ASIC2: variants seen among roughly 807,000 people sequenced by gnomAD.
ASIC2 encodes the protein acid-sensing ion channel 2.
A neutral mutation model predicts 57.3 loss-of-function variants in ASIC2; 25 were observed. The observed-to-expected ratio is 0.44, with a 90% confidence interval of 0.32 to 0.61. The LOEUF (loss-of-function observed/expected upper bound fraction) is 0.61, where lower values mean the gene tolerates loss of function less well. Among genes scored for constraint, ASIC2 ranks in the 20% least tolerant of loss-of-function variants. The probability of loss-of-function intolerance (pLI) is 0.06; values close to 1 mark genes in which losing one functional copy is unlikely to be tolerated. For missense variants in ASIC2, 641 were observed against 738.1 expected (o/e 0.87, Z 1.52); for synonymous variants, 319 against 307.5 (o/e 1.04, Z -0.39).
intron 1 of ASIC2, among the ~76,000 whole-genome samples, chr17:33,682,798 A>G (rs1908051915): frequency 6.6e-6 from 1 of 152,208 alleles, no homozygotes; most frequent in South Asian, 2.1e-4. Flanking sequence ...TGCCAAGATT[A>G]TTCTCAGGGG....
chr17:33,743,192 A>G (rs1910159590), intron 1 of ASIC2, among the ~76,000 whole-genome samples: 1 of 152,258 alleles, frequency 6.6e-6, no homozygotes, highest in African/African-American at 2.4e-5. Flanking sequence ...AAAAAAATCC[A>G]AATTATTTAA....
At chr17:34,150,082 T>G (rs1375463696) in intron 1 of ASIC2, among the ~76,000 whole-genome samples, 1 of 152,232 alleles carries the variant, frequency 6.6e-6, no homozygotes, top group African/African-American at 2.4e-5. Flanking sequence ...TCCTGTCATT[T>G]GTGACAACAT....
At chr17:33,656,441 T>G (rs1219447497) in intron 1 of ASIC2, among the ~76,000 whole-genome samples, 1 of 152,186 alleles carries the variant, frequency 6.6e-6, no homozygotes, top group Non-Finnish European at 1.5e-5. Flanking sequence ...GCAAATGGCC[T>G]AAGACCAACA....
chr17:33,696,118 T>TA (rs1908518307), intron 1 of ASIC2, among the ~76,000 whole-genome samples: 2 of 152,214 alleles, frequency 1.3e-5, no homozygotes, highest in South Asian at 4.1e-4. Flanking sequence ...TGCCAACACA[T>TA]ACAAGAATGT....
At chr17:33,131,155 A>C (rs1205781728) in intron 1 of ASIC2, among the ~76,000 whole-genome samples, 3 of 152,252 alleles carry the variant, frequency 2.0e-5, no homozygotes, top group Non-Finnish European at 1.5e-5. Flanking sequence ...TCCAATGGGC[A>C]GAACGGGATA....
intron 1 of ASIC2, among the ~76,000 whole-genome samples, chr17:33,589,397 T>G (rs1904754518): frequency 6.6e-6 from 1 of 152,204 alleles, no homozygotes; most frequent in East Asian, 1.9e-4. Context: ...TAACCATTCT[T>G]ATGTGTATCA....
At chr17:33,359,549 C>G (rs977175936) in intron 1 of ASIC2, among the ~76,000 whole-genome samples, 1 of 152,084 alleles carries the variant, frequency 6.6e-6, no homozygotes, top group African/African-American at 2.4e-5. Context: ...AGCAGTGAGG[C>G]CAAGTAGCAA....
chr17:33,590,102 G>A (rs2142004283), intron 1 of ASIC2, among the ~76,000 whole-genome samples: 1 of 152,250 alleles, frequency 6.6e-6, no homozygotes, highest in Non-Finnish European at 1.5e-5. Context: ...TTCCCTAGAA[G>A]TGCGACTCTG....
chr17:34,088,643 G>T (rs1910202331), intron 1 of ASIC2, among the ~76,000 whole-genome samples: 1 of 152,246 alleles, frequency 6.6e-6, no homozygotes, highest in Admixed American at 6.5e-5. Flanking sequence ...CCCAGAAGTG[G>T]AGCCTACAGA....
chr17:33,367,316 T>A (rs545372466), intron 1 of ASIC2, among the ~76,000 whole-genome samples: 22 of 152,322 alleles, frequency 1.4e-4, no homozygotes, highest in African/African-American at 5.1e-4. Flanking sequence ...CTCCACGAAC[T>A]CCCTTAAGGA....
intron 1 of ASIC2, among the ~76,000 whole-genome samples, chr17:33,541,065 T>A (rs1426539692): frequency 6.7e-6 from 1 of 148,152 alleles, no homozygotes; most frequent in African/African-American, 2.7e-5. Context: ...ATGTTGTTTT[T>A]TTTTCTTAGG....
chr17:33,911,972 G>C (rs954749770), intron 1 of ASIC2, among the ~76,000 whole-genome samples: 6 of 150,836 alleles, frequency 4.0e-5, no homozygotes, highest in African/African-American at 1.5e-4. Context: ...GAAACCCCGT[G>C]TCTACTAAAA....
At chr17:33,855,148 A>G (rs1012571524) in intron 1 of ASIC2, among the ~76,000 whole-genome samples, 1 of 152,170 alleles carries the variant, frequency 6.6e-6, no homozygotes, top group Non-Finnish European at 1.5e-5. Flanking sequence ...GAATGAGCTG[A>G]CACACGAGGG....
chr17:33,025,000 C>T (rs1466949016), intron 5 of ASIC2, among the ~76,000 whole-genome samples: 2 of 151,902 alleles, frequency 1.3e-5, no homozygotes, highest in Admixed American at 6.6e-5. Context: ...TCCCTTTTTC[C>T]TCTAGCCACC....
chr17:33,172,047 T>C (rs1905541611), intron 1 of ASIC2, among the ~76,000 whole-genome samples: 1 of 152,228 alleles, frequency 6.6e-6, no homozygotes, highest in South Asian at 2.1e-4. Flanking sequence ...TCTAATTATT[T>C]GATTAATGTC....
At chr17:33,621,772 T>C (rs1213065074) in intron 1 of ASIC2, among the ~76,000 whole-genome samples, 2 of 152,232 alleles carry the variant, frequency 1.3e-5, no homozygotes, top group African/African-American at 2.4e-5. Flanking sequence ...CTAATTATCC[T>C]CCACTGATCT....
chr17:33,688,604 C>T (rs567265608), intron 1 of ASIC2, among the ~76,000 whole-genome samples: 2 of 152,230 alleles, frequency 1.3e-5, no homozygotes, highest in South Asian at 4.2e-4. Context: ...AAATTACTTA[C>T]CTGATAATAA....
chr17:34,101,353 T>G (rs1174224457), intron 1 of ASIC2, among the ~76,000 whole-genome samples: 1 of 152,168 alleles, frequency 6.6e-6, no homozygotes, highest in Non-Finnish European at 1.5e-5. Context: ...GCCCCTCTGT[T>G]TTTCCCCAAA....
chr17:33,970,133 C>T (rs1234364239), intron 1 of ASIC2, among the ~76,000 whole-genome samples: 2 of 152,146 alleles, frequency 1.3e-5, no homozygotes, highest in Non-Finnish European at 2.9e-5. Context: ...GGGAGCTGCT[C>T]TGTGGATTGT....
Sources: gnomAD v4.1 joint callset for allele counts (sites outside exome capture counted in the v4.1 genomes callset) on GRCh38, gnomAD v4.1.1 for gene constraint, MANE v1.5 for transcripts, NCBI Gene and HGNC (gene_info 2026-07-23, HGNC 2026-07-21) for gene names.